The following CTBP2 variants were observed in gnomAD, a reference collection of about 807,000 sequenced individuals.
CTBP2 encodes the protein C-terminal binding protein 2, also known as C-terminal-binding protein 2.
Under a neutral mutation model 80.3 loss-of-function variants are expected in CTBP2, and 30 were observed. The observed-to-expected ratio is 0.37, with a 90% confidence interval of 0.28 to 0.51. The LOEUF (loss-of-function observed/expected upper bound fraction) is 0.51. Ranked by LOEUF, CTBP2 falls within the 20% of genes least tolerant of loss-of-function variation. CTBP2 has a pLI of 0.93. For missense variants in CTBP2, 1,212 were observed against 1,375.3 expected (o/e 0.88, Z 1.88); for synonymous variants, 594 against 587.4 (o/e 1.01, Z -0.16).
chr10:125,078,827 T>C (rs1367962128), intron 2 of CTBP2, among the ~76,000 whole-genome samples: 1 of 152,120 alleles, frequency 6.6e-6, no homozygotes, highest in East Asian at 1.9e-4. Context: ...TTACAAATTT[T>C]AGACCAATCA....
Position 125,027,461 on chromosome 10 carries a change from G to C in CTBP2, c.299C>G (p.Ser100Cys), listed in dbSNP as rs1290294349. 6.2e-7 allele frequency: 1 copy of C among 1,614,172 alleles called. No individual in the cohort carries two copies. The highest frequency in any genetic ancestry group is 1.7e-5 in the Admixed American group (1 of 60,030). ...CCGTGGCAGCAGGGGGCTGCGACCA[G>C]ACATCACTGCCTGTCTGCTGTCGTA... Residue 100 changes from serine to cysteine, a missense_variant, in exon 1 of 9, where the codon TCT becomes TGT. By Grantham distance (112) the Ser-to-Cys change is moderately radical. Transcript: ENST00000309035.
chr10:125,024,282 G>A (rs1185760117), intron 1 of CTBP2, among the ~76,000 whole-genome samples: 4 of 152,216 alleles, frequency 2.6e-5, no homozygotes, highest in Non-Finnish European at 5.9e-5. Flanking sequence ...AAGGAATGAG[G>A]AGGGAAACTG....
At chr10:125,055,136 G>A (rs752417146) in intron 2 of CTBP2, among the ~76,000 whole-genome samples, 3 of 152,052 alleles carry the variant, frequency 2.0e-5, no homozygotes, top group Non-Finnish European at 4.4e-5. Context: ...TAATTCACTG[G>A]GTAAACAGAC....
chr10:125,124,243 A>T lies in CTBP2; in HGVS notation c.-205-13150T>A, dbSNP rs932814846. On this transcript the variant is annotated intron_variant, in intron 1 of 10. Coordinates refer to the CTBP2 transcript ENST00000337195. ...ACACCAGCCTTTTGTATCACCCGAAAGGTCTTTGTGGCACTCTGTGTCTTT... is the reference window on the plus strand; with the variant it reads ...ACACCAGCCTTTTGTATCACCCGAATGGTCTTTGTGGCACTCTGTGTCTTT... 4.7e-4 allele frequency among the ~76,000 whole-genome samples: 71 copies of T among 152,110 alleles called. 1 individual carries two copies. The highest frequency in any genetic ancestry group is 1.7e-3 in the African/African-American group (71 of 41,392).
At chr10:125,106,257 T>C (rs920109563) in intron 2 of CTBP2, among the ~76,000 whole-genome samples, 2 of 143,146 alleles carry the variant, frequency 1.4e-5, no homozygotes, top group African/African-American at 2.9e-5. Context: ...CAACCCTGGG[T>C]GTGGGGACGG....
In CTBP2 at chr10:125,053,787, C is replaced by T. The variant is rs1963313441; in HGVS notation, c.-101-14632G>A. 2.6e-5 allele frequency among the ~76,000 whole-genome samples: 4 copies of T among 152,264 alleles called. No individual in the cohort carries two copies. The South Asian group carries it at 8.3e-4, about 32-fold the overall frequency. ...AAGACAGGAAGGGAAATGGGAACTT[C>T]ACTTGGAAAAGGAGAGATGCCACAT... is the stretch of plus-strand genomic sequence containing the variant. On this transcript the variant is annotated intron_variant, in intron 2 of 10. Transcript: ENST00000337195.
intron 1 of CTBP2, among the ~76,000 whole-genome samples, chr10:125,155,813 TG>T (rs1860813124): frequency 6.6e-6 from 1 of 152,200 alleles, no homozygotes; most frequent in African/African-American, 2.4e-5. Flanking sequence ...CCAGGAGTGC[TG>T]TAACTTTAAC....
intron 8 of CTBP2, 88 bp downstream of exon 10, chr10:124,992,607 G>T: frequency 2.2e-6 from 2 of 901,320 alleles, no homozygotes; most frequent in Non-Finnish European, 3.4e-6. Flanking sequence ...TCTGCGGGAG[G>T]TTAAGCTTCC....
intron 1 of CTBP2, among the ~76,000 whole-genome samples, chr10:125,159,031 G>A (rs887090018): frequency 2.4e-4 from 36 of 151,764 alleles, no homozygotes; most frequent in African/African-American, 8.2e-4. Context: ...TGGGCCTCCC[G>A]CGGGAGAAAG....
intron 2 of CTBP2, among the ~76,000 whole-genome samples, chr10:125,060,463 CGT>C (rs56032803): frequency 0.23 from 33,537 of 147,508 alleles, 3,949 homozygotes; most frequent in East Asian, 0.5. Context: ...ATTCCCCCCA[CGT>C]GTGTGTGTGT....
chr10:125,090,646 T>C (rs1848635316), intron 2 of CTBP2, among the ~76,000 whole-genome samples: 1 of 151,730 alleles, frequency 6.6e-6, no homozygotes, highest in Non-Finnish European at 1.5e-5. Flanking sequence ...GCCTGCAGTC[T>C]CAGCTATTTG....
intron 2 of CTBP2, among the ~76,000 whole-genome samples, chr10:125,055,864 T>C (rs1963792710): frequency 6.6e-6 from 1 of 152,096 alleles, no homozygotes; most frequent in Non-Finnish European, 1.5e-5. Context: ...GCTGCATGCA[T>C]GACTTTAAAA....
chr10:125,034,525 T>C (rs1387855468), intron 3 of CTBP2, among the ~76,000 whole-genome samples: 5 of 152,234 alleles, frequency 3.3e-5, no homozygotes, highest in South Asian at 2.1e-4. Flanking sequence ...ATGTGCATAA[T>C]TGCCTGATCC....
chr10:125,118,286 T>C (rs752771200), intron 1 of CTBP2, among the ~76,000 whole-genome samples: 9 of 152,196 alleles, frequency 5.9e-5, no homozygotes, highest in Non-Finnish European at 1.0e-4. Flanking sequence ...CTTGCGGCAT[T>C]AGCTAGGCTT....
chr10:125,079,147 G>A (rs1441091076), intron 2 of CTBP2, among the ~76,000 whole-genome samples: 17 of 68,522 alleles, frequency 2.5e-4, no homozygotes, highest in African/African-American at 1.3e-3. Flanking sequence ...ACCTTGTCTC[G>A]AGGAAAAAAA....
At chr10:125,132,099 C>A (rs922520784) in intron 1 of CTBP2, among the ~76,000 whole-genome samples, 7 of 152,126 alleles carry the variant, frequency 4.6e-5, no homozygotes, top group Admixed American at 4.6e-4. Context: ...AAAAGAGAGG[C>A]CAACAACTCT....
chr10:124,997,677 G>A (rs1953811959), intron 4 of CTBP2: 2 of 493,362 alleles, frequency 4.1e-6, no homozygotes, highest in African/African-American at 1.9e-5. Context: ...AATTTACTGG[G>A]CACAGCGCCT....
intron 2 of CTBP2, among the ~76,000 whole-genome samples, chr10:125,067,734 G>A (rs139947838): frequency 6.6e-6 from 1 of 152,170 alleles, no homozygotes; most frequent in Non-Finnish European, 1.5e-5. Context: ...AGTGTCAGCT[G>A]TCAGTCTGTG....
chr10:125,047,980 C>G (rs1590317460), intron 2 of CTBP2, among the ~76,000 whole-genome samples: 1 of 152,238 alleles, frequency 6.6e-6, no homozygotes, highest in African/African-American at 2.4e-5. Flanking sequence ...TGAATTTTGC[C>G]TCAGAGAGGC....
Sources: gnomAD v4.1 joint callset for allele counts (sites outside exome capture counted in the v4.1 genomes callset) on GRCh38, gnomAD v4.1.1 for gene constraint, MANE v1.5 for transcripts, NCBI Gene and HGNC (gene_info 2026-07-23, HGNC 2026-07-21) for gene names.